Variants in EVC2 observed in about 807,000 individuals in gnomAD.
The protein encoded by EVC2 is EvC ciliary complex subunit 2, also known as limbin.
EVC2 carries 148 observed loss-of-function variants against 149.3 expected under a neutral mutation model. The ratio of observed to expected loss-of-function variants is 0.99; its 90% confidence interval spans 0.87 to 1.14. EVC2 has a LOEUF of 1.14. Among genes scored for constraint, EVC2 ranks in the 50% most tolerant of loss-of-function variants. EVC2 has a pLI of 0.00. For missense variants in EVC2, 1,854 were observed against 1,627.3 expected (o/e 1.14, Z -2.40); for synonymous variants, 776 against 649.9 (o/e 1.19, Z -2.95).
chr4:5,575,306 G>C (rs775333016), intron 18 of EVC2, among the ~76,000 whole-genome samples: 1 of 152,198 alleles, frequency 6.6e-6, no homozygotes, highest in Non-Finnish European at 1.5e-5. Flanking sequence ...TTCTGCAAGT[G>C]CAACTCAAAT....
At chr4:5,645,509 G>C (rs1033352099) in intron 9 of EVC2, among the ~76,000 whole-genome samples, 1 of 151,952 alleles carries the variant, frequency 6.6e-6, no homozygotes, top group Non-Finnish European at 1.5e-5. Context: ...AGAATACGCG[G>C]TGTTTGGTTT....
Position 5,618,411 on chromosome 4 carries a change from C to A in EVC2, c.2706+67G>T. ...GGCTCAGGCTGGGGAAGAGGCCAGA[C>A]CCTGTAGGGCCAGCAGCTGGGAGAC... On this transcript the variant is annotated intron_variant, in intron 15 of 21. Transcript: ENST00000344408. The surrounding 1 kb of genome is among the most constrained non-coding windows in gnomAD (Gnocchi z 4.4). 1 of 1,589,962 alleles carries A rather than the reference C, an allele frequency of 6.3e-7. No individual in the cohort carries two copies. The highest frequency in any genetic ancestry group is 1.1e-5 in the South Asian group (1 of 89,626).
intron 9 of EVC2, 37 bp downstream of exon 9, chr4:5,663,068 TCA>T: frequency 1.2e-6 from 2 of 1,612,100 alleles, no homozygotes; most frequent in Non-Finnish European, 1.7e-6. Flanking sequence ...AAAACATTCA[TCA>T]CATGTGTGTA....
intron 21 of EVC2, among the ~76,000 whole-genome samples, chr4:5,552,941 C>T (rs1721769317): frequency 6.6e-6 from 1 of 152,204 alleles, no homozygotes; most frequent in African/African-American, 2.4e-5. Flanking sequence ...CCAAGCAATT[C>T]CCAAAGTTCA....
intron 12 of EVC2, among the ~76,000 whole-genome samples, chr4:5,627,449 A>C (rs539009325): frequency 2.6e-5 from 4 of 152,254 alleles, no homozygotes; most frequent in African/African-American, 9.6e-5. Context: ...TTAGGTGGGG[A>C]GTGTTTGCAT....
chr4:5,586,508 A>T (rs2108791086), intron 16 of EVC2, among the ~76,000 whole-genome samples: 1 of 152,280 alleles, frequency 6.6e-6, no homozygotes, highest in Non-Finnish European at 1.5e-5. Flanking sequence ...GGAGCTGAAC[A>T]TGCCTCCTTA....
intron 21 of EVC2, among the ~76,000 whole-genome samples, chr4:5,547,404 CAG>C (rs1721643158): frequency 6.6e-6 from 1 of 152,220 alleles, no homozygotes; most frequent in Non-Finnish European, 1.5e-5. Flanking sequence ...GGCAGATCCC[CAG>C]TGAGGCACCA....
chr4:5,707,927 ACCCACTTCCACCCTCTGGGGTGGACG>A, intron 1 of EVC2: 1 of 180,258 alleles, frequency 5.5e-6, no homozygotes, highest in South Asian at 1.9e-4. Context: ...AGCTCATCTA[ACCCACTTCCACCCTCTGGGGTGGACG>A]CCGCGACGGC....
chr4:5,542,556 T>A (rs2108755447), downstream of EVC2, among the ~76,000 whole-genome samples: 1 of 152,342 alleles, frequency 6.6e-6, no homozygotes, highest in East Asian at 1.9e-4. Context: ...CCTTGTCATC[T>A]GAGGAGGATG....
chr4:5,546,738 A>AG (rs11411788), intron 21 of EVC2, among the ~76,000 whole-genome samples: 9 of 151,478 alleles, frequency 5.9e-5, no homozygotes, highest in Non-Finnish European at 1.3e-4. Context: ...GAAAAAAAAA[A>AG]GGGAACTGAC....
intron 1 of EVC2, among the ~76,000 whole-genome samples, chr4:5,703,091 C>T (rs1560240319): frequency 2.0e-5 from 3 of 152,114 alleles, no homozygotes; most frequent in Non-Finnish European, 2.9e-5. Flanking sequence ...TGACTTTAAG[C>T]CAAATGGCAT....
intron 1 of EVC2, 36 bp downstream of exon 1, chr4:5,708,250 C>T (rs1722341314): frequency 4.1e-6 from 6 of 1,455,732 alleles, no homozygotes; most frequent in Non-Finnish European, 4.5e-6. Context: ...CAAACCACTA[C>T]AGTCAGACCG....
intron 17 of EVC2, among the ~76,000 whole-genome samples, chr4:5,582,265 C>G (rs796093428): frequency 3.9e-5 from 6 of 152,340 alleles, no homozygotes; most frequent in African/African-American, 1.4e-4. Context: ...CCCTTGAGAG[C>G]AGCTGTTGGG....
chr4:5,658,855 G>C (rs1405292552), intron 9 of EVC2, among the ~76,000 whole-genome samples: 4 of 152,214 alleles, frequency 2.6e-5, no homozygotes, highest in Non-Finnish European at 4.4e-5. Context: ...CAGGCCCAGA[G>C]TAAGGCTGGA....
intron 15 of EVC2, among the ~76,000 whole-genome samples, chr4:5,616,531 G>C (rs1715269598): frequency 6.6e-6 from 1 of 152,234 alleles, no homozygotes; most frequent in South Asian, 2.1e-4. Context: ...GAACGGCCAA[G>C]AGATGGGGAA....
In EVC2 at chr4:5,574,684, C is replaced by T. The variant is rs1553815019; in HGVS notation, c.3360+1G>A. The T allele has an allele frequency of 6.2e-7, 1 of 1,614,132 alleles. No individual in the cohort carries two copies. Among genetic ancestry groups the T allele is most frequent in the Non-Finnish European group, 8.5e-7 (1 of 1,179,960 alleles). Reference sequence around the variant, plus strand: ...CTCAGACCCTGCCAGTACCTTCTCACCTGGCTGCACAGGGTTGCAAAGGTG... The same window carrying T: ...CTCAGACCCTGCCAGTACCTTCTCATCTGGCTGCACAGGGTTGCAAAGGTG... On this transcript the variant is annotated splice_donor_variant, in intron 19 of 21. Transcript: ENST00000344408. LOFTEE classifies it high-confidence loss of function.
At chr4:5,665,702 C>G (rs1011915370) in intron 7 of EVC2, 53 bp from the exon 8 acceptor site, 66 of 1,602,062 alleles carry the variant, frequency 4.1e-5, no homozygotes, top group Non-Finnish European at 5.6e-5. Context: ...AGCATGTCTC[C>G]CAGGCCTCAC....
intron 10 of EVC2, among the ~76,000 whole-genome samples, chr4:5,635,498 A>C (rs1485309664): frequency 6.6e-6 from 1 of 152,156 alleles, no homozygotes; most frequent in African/African-American, 2.4e-5. Flanking sequence ...AGTAGGGGGC[A>C]TAAACCTTAA....
chr4:5,598,973 C>A (rs1560153255), intron 16 of EVC2, among the ~76,000 whole-genome samples: 1 of 152,142 alleles, frequency 6.6e-6, no homozygotes, highest in Admixed American at 6.5e-5. Context: ...TGAAAAAATG[C>A]TCACCATCAC....
Sources: gnomAD v4.1 joint callset for allele counts (sites outside exome capture counted in the v4.1 genomes callset) on GRCh38, gnomAD v4.1.1 for gene constraint, Gnocchi (gnomAD v3.1) non-coding constraint, MANE v1.5 for transcripts, NCBI Gene and HGNC (gene_info 2026-07-23, HGNC 2026-07-21) for gene names.